Variants in USP6 observed in about 807,000 individuals in gnomAD.
USP6 encodes ubiquitin specific peptidase 6, also known as ubiquitin carboxyl-terminal hydrolase 6.
Under a neutral mutation model 175.7 loss-of-function variants are expected in USP6, and 128 were observed. That is an observed-to-expected ratio of 0.73 (90% CI 0.63 to 0.84). The LOEUF (loss-of-function observed/expected upper bound fraction) is 0.84, where lower values mean the gene tolerates loss of function less well. Among genes scored for constraint, USP6 ranks in the 40% least tolerant of loss-of-function variants. The pLI is 0.00. For synonymous variants in USP6, 562 were observed against 630.6 expected (o/e 0.89, Z 1.63); for missense variants, 1,498 against 1,760.3 (o/e 0.85, Z 2.67).
Position 5,130,082 on chromosome 17 carries a change from C to T in USP6, c.-9C>T, listed in dbSNP as rs1201184823. The T allele has an allele frequency of 4.7e-5, 20 of 427,754 alleles. No homozygotes were observed. The highest frequency in any genetic ancestry group is 8.0e-5 in the African/African-American group (4 of 49,830). The allele number at this position is 427,754 out of a possible 1,614,324, so 26.5% of individuals were successfully genotyped here. Reference sequence around the variant, plus strand: ...GGCAGGTGGACACCATTCAACCTGCCGGGGCAGGTGTGTGCCCATTTCATG... The same window carrying T: ...GGCAGGTGGACACCATTCAACCTGCTGGGGCAGGTGTGTGCCCATTTCATG... On this transcript the variant is annotated 5_prime_UTR_variant, in exon 9 of 38. Transcript: ENST00000574788.
intron 15 of USP6, chr17:5,134,429 C>T (rs4239055): frequency 0.5 from 103,469 of 206,558 alleles, 29,705 homozygotes; most frequent in Non-Finnish European, 0.65. Context: ...GCCACATTGG[C>T]AGCCAGTTGG....
intron 2 of USP6, among the ~76,000 whole-genome samples, chr17:5,119,146 C>T (rs969454874): frequency 2.0e-5 from 3 of 151,530 alleles, no homozygotes; most frequent in Middle Eastern, 3.4e-3. Flanking sequence ...ACTCCAATCA[C>T]CCCTCTTCCT....
intron 14 of USP6, among the ~76,000 whole-genome samples, 161 bp downstream of exon 14, chr17:5,133,711 C>T (rs879123562): frequency 6.6e-6 from 1 of 152,032 alleles, no homozygotes; most frequent in Non-Finnish European, 1.5e-5. Context: ...CAGACAAACT[C>T]GGCTGTGGTG....
chr17:5,148,648 A>G lies in USP6; in HGVS notation c.2524A>G (p.Asn842Asp). The G allele has an allele frequency of 1.9e-6, 3 of 1,613,944 alleles. No homozygotes were observed. The highest frequency in any genetic ancestry group is 2.5e-6 in the Non-Finnish European group (3 of 1,179,856). ...AATATTCATCCCCAATGGAATGCCA[A>G]ACACTGTTGTGCCATGTGGAACTGA... The part of the protein sequence containing the change: ...KPIFIPNGMP[N>D]TVVPCGTEKN... Residue 842 changes from asparagine (N) to aspartate (D), a missense_variant, in exon 30 of 38, where the codon AAC becomes GAC. Transcript: ENST00000574788.
intron 4 of USP6, chr17:5,123,250 G>GATACACATGCTCC (rs2072760518): frequency 6.5e-6 from 1 of 153,338 alleles, no homozygotes; most frequent in African/African-American, 2.4e-5. Flanking sequence ...GCACACGTCG[G>GATACACATGCTCC]TGGCCACATG....
chr17:5,121,295 A>G, intron 3 of USP6, 80 bp from the exon 4 acceptor site: 1 of 356,266 alleles, frequency 2.8e-6, no homozygotes, highest in Non-Finnish European at 5.5e-6. Context: ...GGGAGGGGCT[A>G]GGATATGGTT....
At chr17:5,153,019 TTAAG>T (rs749101957) in intron 30 of USP6, among the ~76,000 whole-genome samples, 4 of 152,136 alleles carry the variant, frequency 2.6e-5, no homozygotes, top group Non-Finnish European at 4.4e-5. Flanking sequence ...AAAAAATGAA[TTAAG>T]TAATTCTATT....
intron 30 of USP6, among the ~76,000 whole-genome samples, chr17:5,155,029 C>T (rs1240987355): frequency 6.6e-6 from 1 of 152,210 alleles, no homozygotes; most frequent in Admixed American, 6.5e-5. Context: ...AGCTACCACA[C>T]CCAGCTTACT....
intron 21 of USP6, 182 bp from the exon 22 acceptor site, chr17:5,139,073 C>A: frequency 6.3e-7 from 1 of 1,592,538 alleles, no homozygotes. Context: ...ACGGCTTCCC[C>A]ATGCCAGGCA....
chr17:5,148,632 C>A lies in USP6; in HGVS notation c.2508C>A (p.Ile836=). ...GGGACCTACCCAAACCAATATTCAT[C>A]CCCAATGGAATGCCAAACACTGTTG... is the stretch of plus-strand genomic sequence containing the variant. ...TNGDLPKPIF[I]PNGMPNTVVP... Residue 836 remains isoleucine (I), a synonymous_variant, in exon 30 of 38, where the codon ATC becomes ATA. Transcript: ENST00000574788. 1.2e-6 allele frequency: 2 copies of A among 1,613,948 alleles called. No individual in the cohort carries two copies. Among genetic ancestry groups the A allele is most frequent in the Non-Finnish European group, 1.7e-6 (2 of 1,179,854 alleles).
chr17:5,121,141 C>T (rs1195746233), intron 3 of USP6, among the ~76,000 whole-genome samples: 1 of 152,180 alleles, frequency 6.6e-6, no homozygotes, highest in African/African-American at 2.4e-5. Flanking sequence ...AAAAGAATAA[C>T]ACCCAGTGCC....
rs1376817701 is a variant in USP6, at chr17:5,142,122, C to T, written c.1693C>T (p.His565Tyr). The T allele has an allele frequency of 1.8e-5, 29 of 1,612,890 alleles. No homozygotes were observed. Among genetic ancestry groups the T allele is most frequent in the Non-Finnish European group, 2.5e-5 (29 of 1,179,576 alleles). ...PLTQYFISGR[H>Y]LYELNRTNPI... ...GACACAGTATTTTATCTCAGGGAGA[C>T]ATCTTTATGAACTCAACAGGTAAAC... Residue 565 changes from histidine to tyrosine, a missense_variant, in exon 24 of 38, where the codon CAT becomes TAT. His to Tyr is a moderately conservative substitution (Grantham distance 83, BLOSUM62 2). Coordinates refer to ENST00000574788, the MANE Select transcript of USP6 (RefSeq NM_001304284.2).
chr17:5,125,678 G>GCGCACACACACA (rs1344445678), intron 5 of USP6, 143 bp from the exon 6 acceptor site: 5 of 137,592 alleles, frequency 3.6e-5, no homozygotes, highest in Admixed American at 1.4e-4. Flanking sequence ...ACACGCACAT[G>GCGCACACACACA]CACACACACA....
rs778986482 is a variant in USP6 at position 5,170,848 on chromosome 17, A to G, written c.3887A>G (p.Glu1296Gly). 1.2e-6 allele frequency: 2 copies of G among 1,612,852 alleles called. No individual in the cohort carries two copies. Among genetic ancestry groups the G allele is most frequent in the South Asian group, 2.2e-5 (2 of 91,034 alleles). The change falls in exon 36 of 38, where the codon GAA becomes GGA. Residue 1296 changes from glutamate (E) to glycine (G), a missense_variant. This residue lies in a region of USP6 where 1,217 missense variants were observed against 1,500.8 expected (regional missense o/e 0.81). Transcript: ENST00000574788. The part of the protein sequence containing the change: ...SNGQLGNHSE[E>G]DSTDDQREDT... ...GGTCAGCTTGGAAACCACAGTGAAGAAGACAGCACTGATGACCAAAGAGAA... is the reference window on the plus strand; with the variant it reads ...GGTCAGCTTGGAAACCACAGTGAAGGAGACAGCACTGATGACCAAAGAGAA...
In USP6 at chr17:5,134,007, G is replaced by A. The variant is rs546939208; in HGVS notation, c.494+11G>A. The A allele has an allele frequency of 9.3e-6, 15 of 1,612,664 alleles. No homozygotes were observed. Among genetic ancestry groups the A allele is most frequent in the South Asian group, 4.4e-5 (4 of 91,040 alleles). On this transcript the variant is annotated intron_variant, in intron 15 of 37. Transcript: ENST00000574788. ...TCGATATGGAGCCAAGTAAGCCTAC[G>A]GGAGCCACACAGTCCCAGCAGAGAT...
intron 9 of USP6, 90 bp downstream of exon 9, chr17:5,130,179 G>C (rs866982682): frequency 1.7e-6 from 1 of 599,262 alleles, no homozygotes. Context: ...GCCCACCCCT[G>C]CTTGGGGCTT....
chr17:5,130,428 A>G lies in USP6; in HGVS notation c.61A>G (p.Lys21Glu), dbSNP rs1215107077. The change falls in exon 10 of 38, where the codon AAG (lysine) becomes GAG (glutamate). Residue 21 changes from lysine to glutamate, a missense_variant. Transcript: ENST00000574788. ...QAQERKDILM[K>E]YDKGHRAGLP... is the part of the protein sequence containing the mutation. ...ACAGGAGCGGAAGGACATACTTATG[A>G]AGTATGACAAGGTACAGTTCGGTCT... is the stretch of plus-strand genomic sequence containing the variant. 5 of 1,613,988 alleles carry G rather than the reference A, an allele frequency of 3.1e-6. No individual in the cohort carries two copies. The African/African-American group carries it at 4.0e-5, about 13-fold the overall frequency.
In USP6 at chr17:5,132,336, C is replaced by T. The variant is rs369378215; in HGVS notation, c.156-60C>T. On this transcript the variant is annotated intron_variant, in intron 11 of 37. Transcript: ENST00000574788. The surrounding 1 kb of genome is among the most constrained non-coding windows in gnomAD (Gnocchi z 4.7). ...CCAGTCCTTTCTGGGGGTCGGCTCC[C>T]AGGCTTGGGCGGCTCCAGGCCCTGT... 1.9e-6 allele frequency: 3 copies of T among 1,611,926 alleles called. No homozygotes were observed. Among genetic ancestry groups the T allele is most frequent in the Non-Finnish European group, 1.7e-6 (2 of 1,179,818 alleles).
At chr17:5,131,884 T>C (rs1022772000) in intron 11 of USP6, among the ~76,000 whole-genome samples, 2 of 151,928 alleles carry the variant, frequency 1.3e-5, no homozygotes, top group Middle Eastern at 3.2e-3. Context: ...GAGAGGCAGG[T>C]GGATGCTGAG....
Sources: allele counts gnomAD v4.1 joint callset (sites outside exome capture counted in the v4.1 genomes callset), GRCh38; gene constraint gnomAD v4.1.1; regional missense constraint gnomAD v4.1.1; non-coding constraint Gnocchi (gnomAD v3.1); transcripts MANE v1.5; gene names NCBI Gene and HGNC (gene_info 2026-07-23, HGNC 2026-07-21).